ITPR1: variants seen among roughly 807,000 people sequenced by gnomAD.
ITPR1 encodes inositol 1,4,5-trisphosphate-gated calcium channel ITPR1.
A neutral mutation model predicts 318.4 loss-of-function variants in ITPR1; 96 were observed. That is an observed-to-expected ratio of 0.30 (90% CI 0.26 to 0.36). The LOEUF is 0.36. Ranked by LOEUF, ITPR1 falls within the 10% of genes least tolerant of loss-of-function variation. The probability of loss-of-function intolerance (pLI) is 1.00; values close to 1 mark genes in which losing one functional copy is unlikely to be tolerated. For synonymous variants in ITPR1, 1,312 were observed against 1,289.9 expected, an observed-to-expected ratio of 1.02 and a Z score of -0.37; for missense variants, 2,440 against 3,460.2, an observed-to-expected ratio of 0.71 and a Z score of 7.40.
intron 18 of ITPR1, among the ~76,000 whole-genome samples, chr3:4,668,437 G>A (rs2093997832): frequency 6.6e-6 from 1 of 151,486 alleles, no homozygotes; most frequent in Admixed American, 6.6e-5. Flanking sequence ...CCATGTTGTT[G>A]CAAATGACTG....
At chr3:4,599,142 A>G (rs753618239) in intron 4 of ITPR1, among the ~76,000 whole-genome samples, 1 of 152,040 alleles carries the variant, frequency 6.6e-6, no homozygotes, top group Non-Finnish European at 1.5e-5. Flanking sequence ...CATTTTTACT[A>G]CAGTCCTCAG....
intron 4 of ITPR1, among the ~76,000 whole-genome samples, chr3:4,590,381 A>T (rs950762333): frequency 1.3e-5 from 2 of 151,618 alleles, no homozygotes; most frequent in African/African-American, 4.8e-5. Context: ...AGTATTTATG[A>T]TGAATGAGAG....
chr3:4,745,581 T>C (rs1357932252), intron 44 of ITPR1, among the ~76,000 whole-genome samples: 2 of 152,222 alleles, frequency 1.3e-5, no homozygotes, highest in Admixed American at 1.3e-4. Context: ...CCTTAAAACA[T>C]CTGAAATGTT....
chr3:4,809,721 G>A (rs1325035959), intron 55 of ITPR1, among the ~76,000 whole-genome samples: 1 of 152,060 alleles, frequency 6.6e-6, no homozygotes, highest in Non-Finnish European at 1.5e-5. Context: ...ATAGATGAGT[G>A]AAAAGGAAAA....
chr3:4,665,095 G>A, intron 16 of ITPR1, 43 bp from the exon 17 acceptor site: 1 of 1,608,390 alleles, frequency 6.2e-7, no homozygotes, highest in Non-Finnish European at 8.5e-7. Flanking sequence ...TAGCTTTGAA[G>A]CCCTAAGTGA....
intron 4 of ITPR1, among the ~76,000 whole-genome samples, chr3:4,575,714 A>G (rs1168165165): frequency 2.1e-5 from 3 of 140,770 alleles, no homozygotes; most frequent in South Asian, 4.5e-4. Context: ...TGTCTTCTTT[A>G]AAAAAAAAAA....
At chr3:4,627,691 C>T in intron 4 of ITPR1, 72 bp from the exon 5 acceptor site, 3 of 791,910 alleles carry the variant, frequency 3.8e-6, no homozygotes, top group Admixed American at 2.1e-5. Context: ...AGTGGAAAGC[C>T]TTTTTTTTTT....
At chr3:4,691,513 A>G (rs983948680) in intron 32 of ITPR1, among the ~76,000 whole-genome samples, 169 bp downstream of exon 32, 3 of 152,198 alleles carry the variant, frequency 2.0e-5, no homozygotes, top group Non-Finnish European at 4.4e-5. Context: ...CTTAAGTTGT[A>G]GATATAGGCA....
At chr3:4,641,403 G>A (rs1035454036) in intron 6 of ITPR1, among the ~76,000 whole-genome samples, 2 of 152,278 alleles carry the variant, frequency 1.3e-5, no homozygotes, top group African/African-American at 2.4e-5. Flanking sequence ...GAGAGACAGC[G>A]TCTTGCTCTG....
At chr3:4,697,344 G>GTGTT in intron 34 of ITPR1, 72 bp downstream of exon 34, 5 of 1,418,954 alleles carry the variant, frequency 3.5e-6, no homozygotes, top group Non-Finnish European at 4.8e-6. Context: ...GTGTGTGTGT[G>GTGTT]TGTGTGTGTA....
At chr3:4,606,194 A>T (rs1363344059) in intron 4 of ITPR1, among the ~76,000 whole-genome samples, 1 of 152,162 alleles carries the variant, frequency 6.6e-6, no homozygotes, top group African/African-American at 2.4e-5. Flanking sequence ...CTAGGGCAGT[A>T]CTAGAATGAA....
chr3:4,539,423 A>G (rs1403346868), intron 4 of ITPR1, among the ~76,000 whole-genome samples: 1 of 152,170 alleles, frequency 6.6e-6, no homozygotes, highest in South Asian at 2.1e-4. Flanking sequence ...TGTGCTATAT[A>G]TGAGTTTGTT....
intron 4 of ITPR1, among the ~76,000 whole-genome samples, chr3:4,550,472 T>C (rs1332335396): frequency 2.0e-5 from 3 of 152,222 alleles, no homozygotes; most frequent in Non-Finnish European, 4.4e-5. Flanking sequence ...TTGCAGACTA[T>C]TGTTATCCTC....
At chr3:4,780,040 C>T (rs2046726206) in intron 49 of ITPR1, among the ~76,000 whole-genome samples, 1 of 151,902 alleles carries the variant, frequency 6.6e-6, no homozygotes, top group African/African-American at 2.4e-5. Context: ...CCTAGCAGAC[C>T]TGAGTTCAAG....
Position 4,506,683 on chromosome 3 carries a change from T to A in ITPR1, c.-16-9793T>A, listed in dbSNP as rs943420893. Among the ~76,000 whole-genome samples, 5 of 152,208 alleles carry A rather than the reference T, an allele frequency of 3.3e-5. No homozygotes were observed. The East Asian group carries it at 7.7e-4, about 23-fold the overall frequency. On this transcript the variant is annotated intron_variant, in intron 2 of 61. Transcript: ENST00000649015. ...GTGGCATATAGTAGGTATCAATAAA[T>A]ATGTTCGATAAGAAGGAAGATTTAA...
chr3:4,652,987 CA>C (rs570661168), intron 11 of ITPR1, among the ~76,000 whole-genome samples: 1 of 151,552 alleles, frequency 6.6e-6, no homozygotes, highest in Non-Finnish European at 1.5e-5. Context: ...GACTCTGTCT[CA>C]AAAAAAATGT....
chr3:4,831,131 T>TCTCTCTCACACACACACACACACACA (rs879032970), intron 60 of ITPR1: 2 of 332,532 alleles, frequency 6.0e-6, no homozygotes, highest in African/African-American at 5.3e-5. Flanking sequence ...TCTCTCTCTC[T>TCTCTCTCACACACACACACACACACA]CACACACACA....
chr3:4,525,385 A>T (rs562760003), intron 4 of ITPR1, among the ~76,000 whole-genome samples: 1 of 152,228 alleles, frequency 6.6e-6, no homozygotes, highest in South Asian at 2.1e-4. Flanking sequence ...GAAGAGTTCA[A>T]CATCGAACAC....
chr3:4,699,701 G>A, intron 34 of ITPR1, 112 bp from the exon 35 acceptor site: 1 of 936,274 alleles, frequency 1.1e-6, no homozygotes, highest in Non-Finnish European at 1.6e-6. Flanking sequence ...ATATTGGCCA[G>A]CAGGCCTTTA....
Sources: gnomAD v4.1 joint callset for allele counts (sites outside exome capture counted in the v4.1 genomes callset) on GRCh38, gnomAD v4.1.1 for gene constraint, MANE v1.5 for transcripts, NCBI Gene and HGNC (gene_info 2026-07-23, HGNC 2026-07-21) for gene names.